OR2L13: variants seen among roughly 807,000 people sequenced by gnomAD.
The protein encoded by OR2L13 is olfactory receptor 2L13.
OR2L13 carries 14 observed loss-of-function variants against 15.3 expected under a neutral mutation model. That is an observed-to-expected ratio of 0.91 (90% CI 0.60 to 1.43). The LOEUF is 1.43. Ranked by LOEUF, OR2L13 falls within the 40% of genes most tolerant of loss-of-function variation. The pLI is 0.00. For missense variants in OR2L13, 367 were observed against 387.9 expected (o/e 0.95, Z 0.45); for synonymous variants, 152 against 142.9 (o/e 1.06, Z -0.45).
chr1:248,056,236 T>C, the OR2L13 span, among the ~76,000 whole-genome samples: 1 of 152,164 alleles, frequency 6.6e-6, no homozygotes, highest in Non-Finnish European at 1.5e-5. Context: ...GTTAGTTACA[T>C]ATGTATACAT....
At chr1:247,943,831 T>G in the OR2L13 span, among the ~76,000 whole-genome samples, 1 of 152,186 alleles carries the variant, frequency 6.6e-6, no homozygotes, top group Admixed American at 6.5e-5. Context: ...TACATTTAGA[T>G]TTTTGATTCA....
the OR2L13 span, chr1:247,990,925 A>T: frequency 1.8e-5 from 26 of 1,477,262 alleles, no homozygotes; most frequent in Non-Finnish European, 8.5e-6. Flanking sequence ...CTATGGCCGG[A>T]TTCTCCTTGC....
At chr1:247,976,704 T>C in the OR2L13 span, among the ~76,000 whole-genome samples, 1 of 152,200 alleles carries the variant, frequency 6.6e-6, no homozygotes, top group African/African-American at 2.4e-5. Flanking sequence ...AAATATATTT[T>C]GATGATGTCA....
the OR2L13 span, chr1:248,003,369 T>C: frequency 2.2e-5 from 36 of 1,608,324 alleles, no homozygotes; most frequent in Non-Finnish European, 2.7e-5. Flanking sequence ...GTTCCTAAGA[T>C]GGCATCTGAT....
the OR2L13 span, chr1:247,965,917 G>C: frequency 6.8e-6 from 11 of 1,612,052 alleles, no homozygotes; most frequent in African/African-American, 1.3e-4. Context: ...TTTCTGTGAA[G>C]TTCCAGCTCT....
the OR2L13 span, among the ~76,000 whole-genome samples, chr1:247,951,819 G>A: frequency 1.6e-4 from 25 of 152,146 alleles, no homozygotes; most frequent in African/African-American, 5.8e-4. Flanking sequence ...CTGCTGCCAG[G>A]GCAAGCACCT....
the OR2L13 span, chr1:247,990,656 A>T: frequency 1.3e-6 from 2 of 1,528,112 alleles, no homozygotes; most frequent in Non-Finnish European, 1.8e-6. Flanking sequence ...TTTCCTCTCC[A>T]CTATCCCATC....
chr1:247,965,408 A>G, the OR2L13 span: 1 of 1,612,260 alleles, frequency 6.2e-7, no homozygotes, highest in Non-Finnish European at 8.5e-7. Flanking sequence ...TTTGGGACAG[A>G]TTTTCTACTT....
At chr1:248,025,715 A>G in the OR2L13 span, among the ~76,000 whole-genome samples, 4 of 150,452 alleles carry the variant, frequency 2.7e-5, no homozygotes, top group African/African-American at 1.0e-4. Flanking sequence ...TCCAACAATG[A>G]TAGACTGGAT....
the OR2L13 span, among the ~76,000 whole-genome samples, chr1:247,968,806 C>T: frequency 3.3e-5 from 5 of 151,844 alleles, no homozygotes; most frequent in Admixed American, 1.3e-4. Flanking sequence ...AATAAACATA[C>T]GTGTGCATGT....
chr1:248,022,367 T>G, the OR2L13 span: 4 of 1,614,096 alleles, frequency 2.5e-6, no homozygotes, highest in Non-Finnish European at 3.4e-6. Context: ...AAAGAATGTA[T>G]GTGCTGATGA....
chr1:248,074,952 C>T, the OR2L13 span, among the ~76,000 whole-genome samples: 11 of 152,156 alleles, frequency 7.2e-5, no homozygotes, highest in Admixed American at 5.9e-4. Flanking sequence ...ATACATGTGC[C>T]ATGTTGGTTT....
At chr1:247,940,443 A>C in the OR2L13 span, among the ~76,000 whole-genome samples, 1 of 152,198 alleles carries the variant, frequency 6.6e-6, no homozygotes, top group Non-Finnish European at 1.5e-5. Flanking sequence ...ATATTTAATA[A>C]ATATCATAAA....
chr1:248,086,912 T>C, the OR2L13 span, among the ~76,000 whole-genome samples: 7 of 152,028 alleles, frequency 4.6e-5, no homozygotes, highest in African/African-American at 1.7e-4. Context: ...TTGTCTTTCT[T>C]AGCTCTTCTA....
the OR2L13 span, among the ~76,000 whole-genome samples, chr1:248,051,031 C>T: frequency 6.6e-6 from 1 of 152,148 alleles, no homozygotes; most frequent in Non-Finnish European, 1.5e-5. Flanking sequence ...ACCATTTTAA[C>T]CATTTTAAGT....
At chr1:248,012,201 G>A in the OR2L13 span, among the ~76,000 whole-genome samples, 2 of 152,084 alleles carry the variant, frequency 1.3e-5, no homozygotes, top group Non-Finnish European at 2.9e-5. Context: ...GAGAACAGGG[G>A]TATTTCAGGG....
chr1:248,090,915 C>T (rs1210459072), upstream of OR2L13, among the ~76,000 whole-genome samples: 5 of 152,108 alleles, frequency 3.3e-5, no homozygotes, highest in African/African-American at 9.7e-5. Context: ...AGTGTATAAG[C>T]GTTCCCTTTT....
At chr1:247,971,677 T>C in the OR2L13 span, among the ~76,000 whole-genome samples, 1 of 152,142 alleles carries the variant, frequency 6.6e-6, no homozygotes, top group Non-Finnish European at 1.5e-5. Flanking sequence ...GTGGGAGACT[T>C]TAACACCCCA....
At chr1:247,960,353 G>C in the OR2L13 span, among the ~76,000 whole-genome samples, 2 of 152,160 alleles carry the variant, frequency 1.3e-5, no homozygotes, top group Non-Finnish European at 2.9e-5. Flanking sequence ...CACCCCTACT[G>C]GGGGGTGCCT....
Sources: allele counts gnomAD v4.1 joint callset (sites outside exome capture counted in the v4.1 genomes callset), GRCh38; gene constraint gnomAD v4.1.1; transcripts MANE v1.5; gene names NCBI Gene and HGNC (gene_info 2026-07-23, HGNC 2026-07-21).